The following NLGN1 variants were observed in gnomAD, a reference collection of about 807,000 sequenced individuals.
NLGN1 encodes the protein neuroligin 1.
In NLGN1, 12 loss-of-function variants were observed where a neutral mutation model predicts 65.5. The observed-to-expected ratio is 0.18, with a 90% CI of 0.12 to 0.30. The LOEUF (loss-of-function observed/expected upper bound fraction) is 0.30. Ranked by LOEUF, NLGN1 falls within the 10% of genes least tolerant of loss-of-function variation. The probability of loss-of-function intolerance (pLI) is 1.00; values close to 1 mark genes in which losing one functional copy is unlikely to be tolerated. For synonymous variants in NLGN1, 350 were observed against 359.5 expected, an observed-to-expected ratio of 0.97 and a Z score of 0.30; for missense variants, 750 against 1,007.1, an observed-to-expected ratio of 0.74 and a Z score of 3.46.
At chr3:173,883,707 T>C (rs902983135) in intron 4 of NLGN1, among the ~76,000 whole-genome samples, 11 of 152,128 alleles carry the variant, frequency 7.2e-5, no homozygotes, top group Non-Finnish European at 1.5e-4. Flanking sequence ...TTTAAATCCC[T>C]GTACTATATA....
At chr3:173,492,112 A>G (rs1729271188) in intron 2 of NLGN1, among the ~76,000 whole-genome samples, 1 of 151,842 alleles carries the variant, frequency 6.6e-6, no homozygotes. Flanking sequence ...AATTTCTCCA[A>G]GCCTCAGTTC....
At chr3:173,894,934 G>C (rs1046176177) in intron 4 of NLGN1, among the ~76,000 whole-genome samples, 6 of 152,102 alleles carry the variant, frequency 3.9e-5, no homozygotes, top group African/African-American at 1.4e-4. Context: ...CCCTCACTCG[G>C]CCAATAAATT....
chr3:174,022,487 A>G (rs1313211457), intron 4 of NLGN1, among the ~76,000 whole-genome samples: 1 of 152,194 alleles, frequency 6.6e-6, no homozygotes, highest in Non-Finnish European at 1.5e-5. Flanking sequence ...GACTCCGGAA[A>G]GGCAGAAAAG....
At chr3:174,065,689 G>T (rs1738381689) in intron 4 of NLGN1, among the ~76,000 whole-genome samples, 1 of 151,614 alleles carries the variant, frequency 6.6e-6, no homozygotes, top group African/African-American at 2.4e-5. Context: ...TAAAAGTGAT[G>T]AAATGTTACT....
At chr3:173,937,177 C>T (rs538297059) in intron 4 of NLGN1, among the ~76,000 whole-genome samples, 2 of 152,056 alleles carry the variant, frequency 1.3e-5, no homozygotes, top group Non-Finnish European at 2.9e-5. Flanking sequence ...AATTAGGATT[C>T]ACTGGCTCTG....
In NLGN1 at chr3:174,136,450, CACTT is replaced by C. The variant is rs1386518936; in HGVS notation, c.647-138861_647-138858del. On this transcript the variant is annotated intron_variant, in intron 4 of 6. Transcript: ENST00000457714. ...CATATAAGATATAGGAGAAAATTGA[CACTT>C]ACTGGGTGGGCAGAGCAACATTGTT... 2 of 152,172 alleles carry C rather than the reference CACTT, an allele frequency of 1.3e-5. 1 individual carries two copies. The highest frequency in any genetic ancestry group is 1.3e-4 in the Admixed American group (2 of 15,282). The allele number at this position is 152,172 out of a possible 1,614,324, so 9.4% of individuals were successfully genotyped here. A position where few individuals can be genotyped will look rare whatever the true frequency, so the allele number is the denominator to read the frequency against.
intron 4 of NLGN1, among the ~76,000 whole-genome samples, chr3:173,954,807 A>C (rs1444866294): frequency 3.9e-5 from 6 of 152,180 alleles, no homozygotes; most frequent in Non-Finnish European, 7.3e-5. Flanking sequence ...AGCAACATAA[A>C]CATACATATA....
At chr3:173,466,875 T>G (rs1306744878) in intron 2 of NLGN1, among the ~76,000 whole-genome samples, 2 of 152,140 alleles carry the variant, frequency 1.3e-5, no homozygotes, top group Admixed American at 1.3e-4. Flanking sequence ...CTAATAAAAC[T>G]TACAGATTCA....
intron 1 of NLGN1, among the ~76,000 whole-genome samples, chr3:173,409,013 A>G (rs1300707078): frequency 1.3e-5 from 2 of 152,070 alleles, no homozygotes; most frequent in Non-Finnish European, 2.9e-5. Flanking sequence ...TCATTTCTTC[A>G]CGAGCCTTCT....
intron 4 of NLGN1, among the ~76,000 whole-genome samples, chr3:174,071,016 C>T (rs1739730625): frequency 6.6e-6 from 1 of 152,074 alleles, no homozygotes; most frequent in Admixed American, 6.6e-5. Flanking sequence ...GATCACGCCA[C>T]TGTACTCCAG....
intron 3 of NLGN1, among the ~76,000 whole-genome samples, chr3:173,750,505 T>C (rs1776171969): frequency 6.6e-6 from 1 of 152,112 alleles, no homozygotes; most frequent in African/African-American, 2.4e-5. Context: ...TAACAAAATG[T>C]AACAAAACAT....
chr3:173,520,998 G>T (rs1001743576), intron 2 of NLGN1, among the ~76,000 whole-genome samples: 27 of 152,158 alleles, frequency 1.8e-4, no homozygotes, highest in African/African-American at 6.3e-4. Context: ...TGTTCAGTGT[G>T]TGTGCAAGAG....
intron 2 of NLGN1, among the ~76,000 whole-genome samples, chr3:173,566,752 G>GA (rs1160655705): frequency 6.6e-6 from 1 of 152,074 alleles, no homozygotes; most frequent in Non-Finnish European, 1.5e-5. Context: ...TCTTAAGACT[G>GA]AAAATCCTTT....
intron 4 of NLGN1, among the ~76,000 whole-genome samples, chr3:173,855,162 A>T (rs1243819759): frequency 6.6e-6 from 1 of 152,112 alleles, no homozygotes; most frequent in Non-Finnish European, 1.5e-5. Context: ...ACAGTTGATT[A>T]TGGTGTTCAT....
At chr3:174,063,054 C>T (rs1276596939) in intron 4 of NLGN1, among the ~76,000 whole-genome samples, 1 of 151,930 alleles carries the variant, frequency 6.6e-6, no homozygotes, top group Admixed American at 6.6e-5. Flanking sequence ...TATTATCTAG[C>T]AAAGAACCAG....
intron 4 of NLGN1, among the ~76,000 whole-genome samples, chr3:174,185,949 T>G (rs548144063): frequency 5.9e-5 from 9 of 152,222 alleles, no homozygotes; most frequent in African/African-American, 2.2e-4. Context: ...GTGACCTCCT[T>G]GAAGCAGGTA....
intron 4 of NLGN1, among the ~76,000 whole-genome samples, chr3:173,943,653 C>A: frequency 6.6e-6 from 1 of 152,050 alleles, no homozygotes; most frequent in Admixed American, 6.6e-5. Flanking sequence ...CTTCTTGGTT[C>A]GTGGGAGGAG....
intron 3 of NLGN1, among the ~76,000 whole-genome samples, chr3:173,701,596 C>G (rs1313591478): frequency 2.0e-5 from 3 of 152,162 alleles, no homozygotes; most frequent in Non-Finnish European, 4.4e-5. Context: ...TTTTGAACAA[C>G]TAAATTTGTG....
At chr3:173,991,096 A>G (rs756576615) in intron 4 of NLGN1, among the ~76,000 whole-genome samples, 36 of 152,100 alleles carry the variant, frequency 2.4e-4, no homozygotes, top group Non-Finnish European at 4.0e-4. Flanking sequence ...ATTAGGGTTC[A>G]CTTTTGGTGT....
Sources: gnomAD v4.1 joint callset for allele counts (sites outside exome capture counted in the v4.1 genomes callset) on GRCh38, gnomAD v4.1.1 for gene constraint, MANE v1.5 for transcripts, NCBI Gene and HGNC (gene_info 2026-07-23, HGNC 2026-07-21) for gene names.